ASTN2: variants seen among roughly 807,000 people sequenced by gnomAD.
The protein encoded by ASTN2 is astrotactin-2.
Under a neutral mutation model 139.8 loss-of-function variants are expected in ASTN2, and 54 were observed. That is an observed-to-expected ratio of 0.39 (90% CI 0.31 to 0.48). The LOEUF is 0.48. Among genes scored for constraint, ASTN2 ranks in the 20% least tolerant of loss-of-function variants. The pLI is 0.95. For missense variants in ASTN2, 1,565 were observed against 1,725.1 expected, an observed-to-expected ratio of 0.91 and a Z score of 1.64; for synonymous variants, 756 against 719.5, an observed-to-expected ratio of 1.05 and a Z score of -0.81.
chr9:116,722,392 T>C (rs923507742), intron 16 of ASTN2, among the ~76,000 whole-genome samples: 2 of 152,192 alleles, frequency 1.3e-5, no homozygotes, highest in Admixed American at 6.5e-5. Flanking sequence ...TCATGGGAAA[T>C]ATTTTAATCA....
intron 3 of ASTN2, among the ~76,000 whole-genome samples, chr9:117,148,289 G>C (rs559243231): frequency 6.6e-6 from 1 of 152,038 alleles, no homozygotes; most frequent in Non-Finnish European, 1.5e-5. Flanking sequence ...AGGGTTCTTG[G>C]GACGATTAAA....
chr9:117,085,871 C>T (rs978208669), intron 5 of ASTN2, among the ~76,000 whole-genome samples: 1 of 152,160 alleles, frequency 6.6e-6, no homozygotes, highest in African/African-American at 2.4e-5. Context: ...CTCATTCATC[C>T]TTATAATGGC....
At chr9:116,737,610 C>CGTGT (rs57891581) in intron 13 of ASTN2, among the ~76,000 whole-genome samples, 33,084 of 136,988 alleles carry the variant, frequency 0.24, 4,498 homozygotes, top group Admixed American at 0.39. Context: ...CATGTGCCAA[C>CGTGT]GTGTGTGTGT....
At chr9:116,768,995 C>T (rs941965499) in intron 13 of ASTN2, among the ~76,000 whole-genome samples, 1 of 152,098 alleles carries the variant, frequency 6.6e-6, no homozygotes, top group African/African-American at 2.4e-5. Context: ...ATTATTATGA[C>T]CAGTTGGATA....
Position 117,262,409 on chromosome 9 carries a change from A to T in ASTN2, c.630+28917T>A, listed in dbSNP as rs1240688630. Reference sequence around the variant, plus strand: ...ATTCTGTTTCTTTTTTTATTTATTTATTTATTTATTTTTTATCTCCTTAGC... The same window carrying T: ...ATTCTGTTTCTTTTTTTATTTATTTTTTTATTTATTTTTTATCTCCTTAGC... On this transcript the variant is annotated intron_variant, in intron 2 of 22. Coordinates refer to ENST00000313400, the MANE Select transcript of ASTN2 (RefSeq NM_001365068.1). Among the ~76,000 whole-genome samples, 10 of 79,478 alleles carry T rather than the reference A, an allele frequency of 1.3e-4. No individual in the cohort carries two copies. The Admixed American group carries it at 1.5e-3, about 12-fold the overall frequency. The allele number at this position is 79,478 out of a possible 152,430, so 52.1% of individuals were successfully genotyped here. A position where few individuals can be genotyped will look rare whatever the true frequency, so the allele number is the denominator to read the frequency against.
chr9:116,509,791 G>T (rs1486228264), intron 19 of ASTN2, among the ~76,000 whole-genome samples: 1 of 152,150 alleles, frequency 6.6e-6, no homozygotes, highest in African/African-American at 2.4e-5. Context: ...GTGTCTGTAG[G>T]CTGCATAAAT....
intron 20 of ASTN2, among the ~76,000 whole-genome samples, chr9:116,450,709 G>C (rs2118918552): frequency 6.6e-6 from 1 of 152,268 alleles, no homozygotes; most frequent in South Asian, 2.1e-4. Context: ...GAGTACCCAA[G>C]TGAGGCTTGA....
At chr9:116,672,702 A>G (rs947990189) in intron 16 of ASTN2, among the ~76,000 whole-genome samples, 6 of 152,200 alleles carry the variant, frequency 3.9e-5, no homozygotes, top group African/African-American at 7.2e-5. Flanking sequence ...GAAGTACAGA[A>G]GGCTAAGTTA....
At chr9:116,519,749 A>T (rs10983213) in intron 19 of ASTN2, among the ~76,000 whole-genome samples, 1 of 152,004 alleles carries the variant, frequency 6.6e-6, no homozygotes, top group East Asian at 1.9e-4. Flanking sequence ...TAAAATTGAT[A>T]GACTATTAGT....
rs963281172 is a variant in ASTN2, at chr9:116,797,349, C to T, written c.2396+8283G>A. On this transcript the variant is annotated intron_variant, in intron 13 of 22. Coordinates refer to ENST00000313400, the MANE Select transcript of ASTN2 (RefSeq NM_001365068.1). ...GCTACACCCAACACTGGTCTTGATT[C>T]CTGCAGAAGATGTCAGAAAACCTTG... 4.6e-5 allele frequency among the ~76,000 whole-genome samples: 7 copies of T among 152,208 alleles called. No individual in the cohort carries two copies. In the East Asian group the frequency reaches 9.6e-4, roughly 21 times the overall value.
intron 20 of ASTN2, among the ~76,000 whole-genome samples, chr9:116,474,664 T>A (rs1191219231): frequency 6.6e-6 from 1 of 152,144 alleles, no homozygotes; most frequent in Non-Finnish European, 1.5e-5. Context: ...CAGGGAAAAG[T>A]TAGGAAGCCT....
intron 19 of ASTN2, among the ~76,000 whole-genome samples, chr9:116,569,202 T>C (rs1026121347): frequency 2.0e-5 from 3 of 152,210 alleles, no homozygotes; most frequent in African/African-American, 4.8e-5. Context: ...GGGCCTCGTT[T>C]GCATGCCAAT....
At chr9:116,688,390 C>T (rs1169778323) in intron 16 of ASTN2, among the ~76,000 whole-genome samples, 1 of 151,912 alleles carries the variant, frequency 6.6e-6, no homozygotes, top group Admixed American at 6.6e-5. Flanking sequence ...TTCCTTAAAT[C>T]GCTGCATGGG....
chr9:116,525,632 C>CA (rs1851058358), intron 19 of ASTN2, among the ~76,000 whole-genome samples: 1 of 152,170 alleles, frequency 6.6e-6, no homozygotes, highest in South Asian at 2.1e-4. Flanking sequence ...CCTGGGGCAG[C>CA]AGGCACAGGA....
At chr9:117,243,205 G>T (rs1158857929) in intron 2 of ASTN2, among the ~76,000 whole-genome samples, 1 of 152,194 alleles carries the variant, frequency 6.6e-6, no homozygotes, top group African/African-American at 2.4e-5. Context: ...ATACTATGTT[G>T]TCTAACTCTC....
Position 116,957,595 on chromosome 9 carries a change from G to A in ASTN2, c.1889+17613C>T, listed in dbSNP as rs1002162691. Among the ~76,000 whole-genome samples, 17 of 152,214 alleles carry A rather than the reference G, an allele frequency of 1.1e-4. No homozygotes were observed. The East Asian group carries it at 2.3e-3, about 21-fold the overall frequency. ...GCTTTTATAAGCTTGATGTTCCCAA[G>A]GATATAGGTCAGTTATTTTGTACGG... On this transcript the variant is annotated intron_variant, in intron 10 of 22. Transcript: ENST00000313400.
chr9:117,143,044 C>T (rs1830111164), intron 3 of ASTN2, among the ~76,000 whole-genome samples: 1 of 152,204 alleles, frequency 6.6e-6, no homozygotes, highest in Non-Finnish European at 1.5e-5. Context: ...CTCAGGGAAG[C>T]TTATCAGGTT....
intron 1 of ASTN2, among the ~76,000 whole-genome samples, chr9:117,321,186 A>T (rs1046925929): frequency 1.3e-5 from 2 of 152,240 alleles, no homozygotes; most frequent in African/African-American, 4.8e-5. Flanking sequence ...AGTGGCTGTC[A>T]TACAGCGGGT....
At chr9:117,044,817 A>G (rs1427723132) in intron 5 of ASTN2, among the ~76,000 whole-genome samples, 1 of 152,196 alleles carries the variant, frequency 6.6e-6, no homozygotes, top group African/African-American at 2.4e-5. Flanking sequence ...ACTAAACAAA[A>G]CAGCGAAAGC....
Sources: allele counts gnomAD v4.1 joint callset (sites outside exome capture counted in the v4.1 genomes callset), GRCh38; gene constraint gnomAD v4.1.1; transcripts MANE v1.5; gene names NCBI Gene and HGNC (gene_info 2026-07-23, HGNC 2026-07-21).